The following ZFHX3 variants were observed in gnomAD, a reference collection of about 807,000 sequenced individuals.
ZFHX3 encodes the protein zinc finger homeobox protein 3.
A neutral mutation model predicts 279.1 loss-of-function variants in ZFHX3; 42 were observed. The ratio of observed to expected loss-of-function variants is 0.15; its 90% CI spans 0.12 to 0.19. ZFHX3 has a LOEUF of 0.19. Among genes scored for constraint, ZFHX3 ranks in the 10% least tolerant of loss-of-function variants. ZFHX3 has a pLI of 1.00. For missense variants in ZFHX3, 4,981 were observed against 4,754.0 expected (o/e 1.05, Z -1.40); for synonymous variants, 2,293 against 1,957.8 (o/e 1.17, Z -4.52).
chr16:73,699,030 G>A lies in ZFHX3; in HGVS notation c.-1607-18790C>T, dbSNP rs188131928. On this transcript the variant is annotated intron_variant, in intron 1 of 17. Transcript: ENST00000641206. ...CTCCCAAGTAGCTGAGATTATAGGC[G>A]CCCGCTACCACGCCTGACTAATTGC... is the stretch of plus-strand genomic sequence containing the variant. 3.6e-3 allele frequency among the ~76,000 whole-genome samples: 555 copies of A among 152,168 alleles called. 13 individuals carry two copies. The highest frequency in any genetic ancestry group is 0.028 in the Admixed American group (423 of 15,286).
intron 7 of ZFHX3, among the ~76,000 whole-genome samples, chr16:73,102,102 C>T (rs1230762189): frequency 6.6e-6 from 1 of 150,920 alleles, no homozygotes; most frequent in African/African-American, 2.4e-5. Flanking sequence ...TTAGTAGAGA[C>T]GAGGTTTTAC....
intron 5 of ZFHX3, among the ~76,000 whole-genome samples, chr16:73,164,429 G>A (rs184748811): frequency 6.6e-6 from 1 of 152,308 alleles, no homozygotes; most frequent in Non-Finnish European, 1.5e-5. Flanking sequence ...GCCGGGCATG[G>A]TGGCTCACAC....
At chr16:73,383,995 AAC>A (rs1216015711) in intron 3 of ZFHX3, among the ~76,000 whole-genome samples, 20 of 152,244 alleles carry the variant, frequency 1.3e-4, no homozygotes, top group African/African-American at 4.8e-4. Context: ...GTGCTCCACG[AAC>A]ACACTTCAAA....
intron 6 of ZFHX3, among the ~76,000 whole-genome samples, chr16:73,133,260 G>A (rs184985306): frequency 2.3e-4 from 35 of 152,264 alleles, no homozygotes; most frequent in African/African-American, 6.3e-4. Flanking sequence ...GGTGGCTTAC[G>A]CCAGTAATCC....
At chr16:73,046,661 T>C (rs905683108) in intron 1 of ZFHX3, among the ~76,000 whole-genome samples, 2 of 152,100 alleles carry the variant, frequency 1.3e-5, no homozygotes, top group African/African-American at 2.4e-5. Context: ...AGCTTTAAAT[T>C]ATACACTATT....
rs541972727 is a variant in ZFHX3 at position 72,896,274 on chromosome 16, G to T, written c.3217-6312C>A. Among the ~76,000 whole-genome samples the T allele has an allele frequency of 1.3e-4, 20 of 152,204 alleles. No individual in the cohort carries two copies. The South Asian group carries it at 3.9e-3, about 30-fold the overall frequency. ...TGCACCTCTTCCTAATCCTATTAGGGCTACTCATGTTTTAAAATGTTCATC... is the reference window on the plus strand; with the variant it reads ...TGCACCTCTTCCTAATCCTATTAGGTCTACTCATGTTTTAAAATGTTCATC... On this transcript the variant is annotated intron_variant, in intron 3 of 9. Coordinates refer to ENST00000268489, the MANE Select transcript of ZFHX3 (RefSeq NM_006885.4).
At chr16:73,843,503 T>A (rs1007782850) in intron 1 of ZFHX3, among the ~76,000 whole-genome samples, 1 of 152,214 alleles carries the variant, frequency 6.6e-6, no homozygotes, top group Admixed American at 6.5e-5. Context: ...TACAGCGGTG[T>A]AGAGAATCAA....
In ZFHX3 at chr16:72,793,153, C is replaced by A; in HGVS notation, c.9427+102G>T. 5 of 1,506,024 alleles carry A rather than the reference C, an allele frequency of 3.3e-6. No homozygotes were observed. Among genetic ancestry groups the A allele is most frequent in the Non-Finnish European group, 4.4e-6 (5 of 1,128,816 alleles). The allele number at this position is 1,506,024 out of a possible 1,614,324, so 93.3% of individuals were successfully genotyped here. ...TTTAAAGAACTAGAAAGGTAAGCTT[C>A]CCATCTGCCCAGCACTCAGAGGGTT... On this transcript the variant is annotated intron_variant, in intron 9 of 9. Transcript: ENST00000268489. This position sits in a 1 kb window ranked among gnomAD's most constrained non-coding sequence, Gnocchi z 4.3.
chr16:73,557,249 G>C (rs1006394790), intron 2 of ZFHX3, among the ~76,000 whole-genome samples: 1 of 152,000 alleles, frequency 6.6e-6, no homozygotes, highest in Non-Finnish European at 1.5e-5. Flanking sequence ...TACAATCAAA[G>C]AAGCAAGATT....
chr16:72,955,284 G>C lies in ZFHX3; in HGVS notation c.2719+2143C>G, dbSNP rs2144418604. 2.0e-5 allele frequency among the ~76,000 whole-genome samples: 3 copies of C among 152,316 alleles called. 1 individual carries two copies. In the South Asian group the frequency reaches 6.2e-4, roughly 32 times the overall value. ...CTGGATAAATCCTTTGGGAGGAAGA[G>C]CTCCAGTCTAAGAAATATGGTGTGG... On this transcript the variant is annotated intron_variant, in intron 2 of 9. Transcript: ENST00000268489.
intron 2 of ZFHX3, among the ~76,000 whole-genome samples, chr16:73,474,680 C>T (rs183726134): frequency 4.6e-5 from 7 of 152,256 alleles, no homozygotes; most frequent in Admixed American, 4.6e-4. Flanking sequence ...GGTCTCCATC[C>T]CAGCTGGCAG....
chr16:72,809,051 G>A (rs941584460), intron 7 of ZFHX3, among the ~76,000 whole-genome samples: 1 of 152,206 alleles, frequency 6.6e-6, no homozygotes, highest in Non-Finnish European at 1.5e-5. Context: ...TGAAGACTCT[G>A]TTGGTAAATG....
intron 2 of ZFHX3, among the ~76,000 whole-genome samples, chr16:73,571,398 G>C (rs1352183085): frequency 6.6e-6 from 1 of 152,106 alleles, no homozygotes; most frequent in Non-Finnish European, 1.5e-5. Flanking sequence ...AGAGTATGGA[G>C]ATATATGTGT....
intron 1 of ZFHX3, among the ~76,000 whole-genome samples, chr16:73,766,362 A>G (rs181518425): frequency 6.6e-6 from 1 of 152,276 alleles, no homozygotes; most frequent in African/African-American, 2.4e-5. Flanking sequence ...GTATATCGCC[A>G]GGGTGACTGC....
chr16:73,800,223 AT>A (rs970373359), intron 1 of ZFHX3, among the ~76,000 whole-genome samples: 220 of 145,200 alleles, frequency 1.5e-3, no homozygotes, highest in Admixed American at 1.3e-3. Context: ...TACTATTGTA[AT>A]TTTTTTTTTT....
chr16:73,815,078 T>C (rs937212853), intron 1 of ZFHX3, among the ~76,000 whole-genome samples: 1 of 152,212 alleles, frequency 6.6e-6, no homozygotes, highest in Non-Finnish European at 1.5e-5. Context: ...CTTACGGATG[T>C]AAACATGTGC....
intron 2 of ZFHX3, among the ~76,000 whole-genome samples, chr16:73,462,536 C>A (rs1215976322): frequency 1.3e-5 from 2 of 152,132 alleles, no homozygotes; most frequent in East Asian, 3.9e-4. Context: ...TTAAGTATAA[C>A]ACTAGCTGTA....
intron 2 of ZFHX3, among the ~76,000 whole-genome samples, chr16:73,522,310 G>T (rs1294372200): frequency 6.6e-6 from 1 of 152,196 alleles, no homozygotes; most frequent in East Asian, 1.9e-4. Context: ...AAGCATTATT[G>T]TGAAGATGAA....
At chr16:73,529,617 A>G (rs569524474) in intron 2 of ZFHX3, among the ~76,000 whole-genome samples, 1 of 152,314 alleles carries the variant, frequency 6.6e-6, no homozygotes, top group South Asian at 2.1e-4. Flanking sequence ...CCAGGGGACA[A>G]ATGGGAAAAT....
Sources: gnomAD v4.1 joint callset for allele counts (sites outside exome capture counted in the v4.1 genomes callset) on GRCh38, gnomAD v4.1.1 for gene constraint, Gnocchi (gnomAD v3.1) non-coding constraint, MANE v1.5 for transcripts, NCBI Gene and HGNC (gene_info 2026-07-23, HGNC 2026-07-21) for gene names.